The following NXN variants were observed in gnomAD, a reference collection of about 807,000 sequenced individuals.
NXN encodes the protein nucleoredoxin 1.
NXN carries 16 observed loss-of-function variants against 48.6 expected under a neutral mutation model. The observed-to-expected ratio is 0.33, with a 90% CI of 0.22 to 0.50. NXN has a LOEUF of 0.50. Ranked by LOEUF, NXN falls within the 20% of genes least tolerant of loss-of-function variation. The pLI, the probability that NXN is intolerant of heterozygous loss-of-function variation, is 0.98. For missense variants in NXN, 492 were observed against 605.5 expected (o/e 0.81, Z 1.97); for synonymous variants, 281 against 269.6 (o/e 1.04, Z -0.41).
chr17:835,626 G>C (rs577162309), intron 1 of NXN, among the ~76,000 whole-genome samples: 1 of 152,282 alleles, frequency 6.6e-6, no homozygotes, highest in Admixed American at 6.5e-5. Flanking sequence ...ATATCAAAAG[G>C]GACGGGACTG....
intron 1 of NXN, among the ~76,000 whole-genome samples, chr17:933,981 CCTCA>C (rs1311169062): frequency 5.9e-5 from 9 of 152,166 alleles, no homozygotes; most frequent in Admixed American, 5.9e-4. Flanking sequence ...GGGTGGCATG[CCTCA>C]CTATGTGATT....
At chr17:864,530 C>T (rs1458455162) in intron 1 of NXN, among the ~76,000 whole-genome samples, 1 of 152,228 alleles carries the variant, frequency 6.6e-6, no homozygotes, top group Admixed American at 6.5e-5. Flanking sequence ...CCTGGGAGTA[C>T]AGGCTGTTTC....
At chr17:883,804 T>G (rs1212435375) in intron 1 of NXN, among the ~76,000 whole-genome samples, 1 of 152,280 alleles carries the variant, frequency 6.6e-6, no homozygotes, top group East Asian at 1.9e-4. Context: ...CCAGGTGCGG[T>G]GCTTACGCCT....
At chr17:899,955 ATAGAG>A (rs1235623448) in intron 1 of NXN, among the ~76,000 whole-genome samples, 4 of 152,148 alleles carry the variant, frequency 2.6e-5, no homozygotes, top group South Asian at 4.1e-4. Flanking sequence ...TCCTCAAGCT[ATAGAG>A]TTTAACACTA....
At chr17:868,636 C>T (rs510856) in intron 1 of NXN, among the ~76,000 whole-genome samples, 59,921 of 151,944 alleles carry the variant, frequency 0.39, 12,451 homozygotes, top group African/African-American at 0.54. Flanking sequence ...GGACAACAGG[C>T]GCCCACCACC....
chr17:861,610 C>T (rs1597671799), intron 1 of NXN, among the ~76,000 whole-genome samples: 1 of 152,150 alleles, frequency 6.6e-6, no homozygotes, highest in Non-Finnish European at 1.5e-5. Context: ...TGAGCCTGAA[C>T]GTCTCACTGA....
chr17:973,478 T>C (rs138549163), intron 1 of NXN, among the ~76,000 whole-genome samples: 98 of 152,290 alleles, frequency 6.4e-4, no homozygotes, highest in African/African-American at 2.1e-3. Context: ...GTTACAAGGG[T>C]GACTGAAAGG....
Position 906,720 on chromosome 17 carries a change from C to A in NXN, c.360+72599G>T, listed in dbSNP as rs1255102248. On this transcript the variant is annotated intron_variant, in intron 1 of 7. Transcript: ENST00000336868. The stretch of plus-strand genomic sequence containing the variant: ...TAGCTGGGACTACAGGCACCCACCA[C>A]CACACCCGGACAACTTTTTTTTTTT... 4.0e-5 allele frequency among the ~76,000 whole-genome samples: 6 copies of A among 151,378 alleles called. No individual in the cohort carries two copies. In the East Asian group the frequency reaches 9.8e-4, roughly 25 times the overall value.
intron 1 of NXN, among the ~76,000 whole-genome samples, chr17:900,751 CCTTTT>C (rs2068529504): frequency 6.6e-6 from 1 of 152,116 alleles, no homozygotes; most frequent in East Asian, 1.9e-4. Flanking sequence ...AAAAAAAGTA[CCTTTT>C]TTTCTCTTCA....
intron 1 of NXN, among the ~76,000 whole-genome samples, chr17:894,830 A>G (rs1435415934): frequency 6.6e-6 from 1 of 152,058 alleles, no homozygotes; most frequent in Non-Finnish European, 1.5e-5. Context: ...ATCTGAAAAC[A>G]TAATTGAGAT....
chr17:865,922 G>A (rs2068090981), intron 1 of NXN, among the ~76,000 whole-genome samples: 1 of 152,076 alleles, frequency 6.6e-6, no homozygotes, highest in South Asian at 2.1e-4. Context: ...GGTGGAGGTT[G>A]CAGTGAGCTA....
intron 1 of NXN, among the ~76,000 whole-genome samples, chr17:899,935 G>C (rs2068521639): frequency 6.6e-6 from 1 of 152,122 alleles, no homozygotes; most frequent in Non-Finnish European, 1.5e-5. Flanking sequence ...TTTTGTTAAA[G>C]TAAATGATAT....
Position 830,026 on chromosome 17 carries a change from A to G in NXN, c.361-3948T>C, listed in dbSNP as rs934900143. The stretch of plus-strand genomic sequence containing the variant: ...TGGGTCAAATGGTGTTTTTGGTTCT[A>G]GATCCCTGAGGAATCACCACACTGT... On this transcript the variant is annotated intron_variant, in intron 1 of 7. Transcript: ENST00000336868. The surrounding 1 kb of genome is among the most constrained non-coding windows in gnomAD (Gnocchi z 4.2). 6.6e-6 allele frequency among the ~76,000 whole-genome samples: 1 copy of G among 152,192 alleles called. No individual in the cohort carries two copies. The highest frequency in any genetic ancestry group is 1.5e-5 in the Non-Finnish European group (1 of 68,040).
intron 1 of NXN, among the ~76,000 whole-genome samples, chr17:843,335 G>A (rs904753370): frequency 3.9e-5 from 6 of 152,346 alleles, no homozygotes; most frequent in South Asian, 2.1e-4. Context: ...TCATGGCTCC[G>A]CGAGCCAGGA....
intron 1 of NXN, among the ~76,000 whole-genome samples, chr17:922,777 G>A (rs377129519): frequency 3.3e-5 from 5 of 151,902 alleles, no homozygotes; most frequent in East Asian, 4.0e-4. Context: ...TCGGCCTCCC[G>A]AGTAGCTGGG....
At chr17:968,928 C>T (rs1192557855) in intron 1 of NXN, among the ~76,000 whole-genome samples, 2 of 150,778 alleles carry the variant, frequency 1.3e-5, no homozygotes, top group African/African-American at 2.4e-5. Context: ...CAGAGAGAGA[C>T]ACGGTCTCAA....
intron 1 of NXN, among the ~76,000 whole-genome samples, chr17:885,978 G>A (rs965566936): frequency 4.6e-5 from 7 of 151,856 alleles, no homozygotes; most frequent in East Asian, 3.9e-4. Flanking sequence ...GTGAGCCACC[G>A]CGCCCAGCTG....
chr17:897,932 C>G (rs9897884), intron 1 of NXN, among the ~76,000 whole-genome samples: 11 of 152,202 alleles, frequency 7.2e-5, no homozygotes, highest in Admixed American at 6.5e-4. Context: ...CCGCCCACCT[C>G]GGCCTCCCGA....
intron 1 of NXN, among the ~76,000 whole-genome samples, chr17:914,658 TGAG>T (rs778703274): frequency 2.6e-5 from 4 of 152,072 alleles, no homozygotes; most frequent in Non-Finnish European, 4.4e-5. Context: ...GAGACAAAGA[TGAG>T]GAGCAGAGAC....
Sources: allele counts gnomAD v4.1 joint callset (sites outside exome capture counted in the v4.1 genomes callset), GRCh38; gene constraint gnomAD v4.1.1; non-coding constraint Gnocchi (gnomAD v3.1); transcripts MANE v1.5; gene names NCBI Gene and HGNC (gene_info 2026-07-23, HGNC 2026-07-21).